Variants in PPL observed in about 807,000 individuals in gnomAD.
PPL encodes the protein 190 kDa paraneoplastic pemphigus antigen.
In PPL, 198 loss-of-function variants were observed where a neutral mutation model predicts 194.4. That is an observed-to-expected ratio of 1.02 (90% confidence interval 0.91 to 1.15). The LOEUF is 1.15. Among genes scored for constraint, PPL ranks in the 50% most tolerant of loss-of-function variants. The pLI, the probability that PPL is intolerant of heterozygous loss-of-function variation, is 0.00. For synonymous variants in PPL, 1,220 were observed against 972.4 expected (o/e 1.25, Z -4.74); for missense variants, 2,885 against 2,294.8 (o/e 1.26, Z -5.25).
chr16:4,936,548 G>C (rs1372071315), intron 1 of PPL, among the ~76,000 whole-genome samples: 1 of 152,204 alleles, frequency 6.6e-6, no homozygotes, highest in Non-Finnish European at 1.5e-5. Flanking sequence ...CCCCTGGACG[G>C]AGCTTCCTGG....
At chr16:4,886,458 T>C (rs999875156) in intron 21 of PPL, among the ~76,000 whole-genome samples, 2 of 152,188 alleles carry the variant, frequency 1.3e-5, no homozygotes, top group African/African-American at 4.8e-5. Flanking sequence ...GCACAGAGAG[T>C]GCTGCTTCAG....
intron 20 of PPL, 37 bp downstream of exon 20, chr16:4,888,062 TCCA>T (rs1409888037): frequency 6.7e-7 from 1 of 1,484,360 alleles, no homozygotes; most frequent in Non-Finnish European, 9.4e-7. Flanking sequence ...CAGCTTGGCC[TCCA>T]CCTCAGTCCC....
intron 2 of PPL, among the ~76,000 whole-genome samples, chr16:4,904,692 G>C (rs1164694919): frequency 6.6e-6 from 1 of 152,168 alleles, no homozygotes; most frequent in Non-Finnish European, 1.5e-5. Flanking sequence ...GCGGGGGGCG[G>C]GGAGGGTGAG....
intron 1 of PPL, among the ~76,000 whole-genome samples, chr16:4,920,843 T>C (rs1454797691): frequency 1.3e-5 from 2 of 152,204 alleles, no homozygotes; most frequent in East Asian, 1.9e-4. Context: ...GCTCAAGGGA[T>C]GCTCCTGACT....
rs765636041 is a variant in PPL at position 4,928,642 on chromosome 16, G to A, written c.62+8342C>T. 2.0e-5 allele frequency among the ~76,000 whole-genome samples: 3 copies of A among 152,166 alleles called. 1 individual carries two copies. Among genetic ancestry groups the A allele is most frequent in the South Asian group, 4.1e-4 (2 of 4,830 alleles). On this transcript the variant is annotated intron_variant, in intron 1 of 21. Transcript: ENST00000345988. The stretch of plus-strand genomic sequence containing the variant: ...CCATGGCGATGGTTTGTTTCCCATC[G>A]AAGGGTGGGAAAGGATTCCAAGTTT...
At chr16:4,890,162 G>A (rs201300186) in intron 18 of PPL, 22 bp downstream of exon 18, 9 of 1,613,838 alleles carry the variant, frequency 5.6e-6, no homozygotes, top group African/African-American at 5.3e-5. Context: ...TGTGCCTGGG[G>A]CTGCGGAAAC....
intron 19 of PPL, 98 bp from the exon 20 acceptor site, chr16:4,888,316 T>A: frequency 1.2e-6 from 1 of 818,862 alleles, no homozygotes; most frequent in Admixed American, 1.9e-5. Flanking sequence ...ACCTGCCCTG[T>A]GCCATGTGCT....
intron 1 of PPL, among the ~76,000 whole-genome samples, chr16:4,919,314 C>T (rs1271245315): frequency 2.0e-5 from 3 of 152,248 alleles, no homozygotes; most frequent in Non-Finnish European, 4.4e-5. Flanking sequence ...AGGAGAAAGA[C>T]TTCAGGTCTG....
rs556653824 is a variant in PPL, at chr16:4,899,325, G to A, written c.666C>T (p.Cys222=). 53 of 1,613,550 alleles carry A rather than the reference G, an allele frequency of 3.3e-5. 1 individual carries two copies. In the South Asian group the frequency reaches 5.7e-4, roughly 17 times the overall value. Reference sequence around the variant, plus strand: ...GGTCCAGCCAGTACAGCTCATTGGTGCAGCGCTGCATGTAGTCCTGCAGCG... The same window carrying A: ...GGTCCAGCCAGTACAGCTCATTGGTACAGCGCTGCATGTAGTCCTGCAGCG... The part of the protein sequence containing the change: ...LSSLQDYMQR[C]TNELYWLDQQ... Residue 222 remains cysteine, a synonymous_variant, in exon 7 of 22, where the codon TGC becomes TGT. Coordinates refer to ENST00000345988, the MANE Select transcript of PPL (RefSeq NM_002705.5).
chr16:4,925,468 G>C (rs2089139385), intron 1 of PPL, among the ~76,000 whole-genome samples: 1 of 152,172 alleles, frequency 6.6e-6, no homozygotes, highest in South Asian at 2.1e-4. Context: ...CATAGCCCTA[G>C]GAAGTAGCCA....
chr16:4,906,499 A>G (rs1312386609), intron 2 of PPL, among the ~76,000 whole-genome samples: 2 of 152,180 alleles, frequency 1.3e-5, no homozygotes, highest in African/African-American at 4.8e-5. Flanking sequence ...TTCTGGGATT[A>G]CAGGCGTGAG....
At chr16:4,914,395 T>A (rs908054746) in intron 1 of PPL, among the ~76,000 whole-genome samples, 1 of 152,190 alleles carries the variant, frequency 6.6e-6, no homozygotes, top group African/African-American at 2.4e-5. Context: ...ACCGGAGTCA[T>A]GGACCAGCAA....
intron 21 of PPL, among the ~76,000 whole-genome samples, chr16:4,886,543 T>G (rs1448091443): frequency 6.6e-6 from 1 of 152,250 alleles, no homozygotes; most frequent in Non-Finnish European, 1.5e-5. Flanking sequence ...AGTGAACTGC[T>G]TCCAGTGTCT....
Position 4,885,573 on chromosome 16 carries a change from C to A in PPL, c.3082G>T (p.Glu1028Ter), listed in dbSNP as rs940934836. 3 of 1,611,180 alleles carry A rather than the reference C, an allele frequency of 1.9e-6. No homozygotes were observed. The African/African-American group carries it at 4.0e-5, about 22-fold the overall frequency. ...TGCTGCAGGAGGAGCACCTCTGCCT[C>A]CCGGGCGCCCTTCTGCCGCCTCAGT... ...EALRRQKGAR[E>*]AEVLLLQQRV... Residue 1028 changes from glutamate to a stop codon, truncating the protein, a stop_gained, in exon 22 of 22, where the codon GAG (glutamate) becomes TAG (stop). Coordinates refer to ENST00000345988, the MANE Select transcript of PPL (RefSeq NM_002705.5). LOFTEE classifies it high-confidence loss of function. The surrounding 1 kb of genome is among the most constrained non-coding windows in gnomAD (Gnocchi z 6.3).
At position 4,902,063 on chromosome 16, in the gene PPL, G is replaced by A. The variant is rs1254570648; in HGVS notation, c.438+343C>T. ...CTGTGGTGAGCACCCAGGAAAGGGA[G>A]CGACAGGCCAGAAGCCTGGCCGCTT... On this transcript the variant is annotated intron_variant, in intron 4 of 21. Transcript: ENST00000345988. The surrounding 1 kb of genome is among the most constrained non-coding windows in gnomAD (Gnocchi z 4.0). 6.6e-6 allele frequency among the ~76,000 whole-genome samples: 1 copy of A among 152,248 alleles called. No individual in the cohort carries two copies. Among genetic ancestry groups the A allele is most frequent in the Non-Finnish European group, 1.5e-5 (1 of 68,046 alleles).
chr16:4,888,877 AC>A, intron 19 of PPL, 100 bp downstream of exon 19: 2 of 1,180,822 alleles, frequency 1.7e-6, no homozygotes, highest in Middle Eastern at 2.8e-4. Flanking sequence ...GGCCAGCTCC[AC>A]CCCCATGTGC....
intron 1 of PPL, among the ~76,000 whole-genome samples, chr16:4,916,020 A>C (rs2088909829): frequency 6.6e-6 from 1 of 152,180 alleles, no homozygotes; most frequent in Non-Finnish European, 1.5e-5. Flanking sequence ...CTTTTCATCC[A>C]CTACAATGGC....
At chr16:4,889,246 T>G (rs868408629) in intron 18 of PPL, among the ~76,000 whole-genome samples, 185 bp from the exon 19 acceptor site, 1,526 of 25,230 alleles carry the variant, frequency 0.06, 51 homozygotes, top group Non-Finnish European at 0.1. Flanking sequence ...TTGTTGTTTT[T>G]TTTTTTTTTT....
intron 1 of PPL, among the ~76,000 whole-genome samples, chr16:4,931,225 G>A (rs368902492): frequency 1.3e-5 from 2 of 152,072 alleles, no homozygotes; most frequent in South Asian, 2.1e-4. Flanking sequence ...AGCGGGGCAC[G>A]GTGGTGTGCA....
Sources: allele counts gnomAD v4.1 joint callset (sites outside exome capture counted in the v4.1 genomes callset), GRCh38; gene constraint gnomAD v4.1.1; non-coding constraint Gnocchi (gnomAD v3.1); transcripts MANE v1.5; gene names NCBI Gene and HGNC (gene_info 2026-07-23, HGNC 2026-07-21).